Variants in ARHGAP26 observed in about 807,000 individuals in gnomAD.
ARHGAP26 encodes Rho GTPase activating protein 26, also known as rho GTPase-activating protein 26.
A neutral mutation model predicts 104.8 loss-of-function variants in ARHGAP26; 38 were observed. The ratio of observed to expected loss-of-function variants is 0.36; its 90% CI spans 0.28 to 0.48. The LOEUF is 0.48. Among genes scored for constraint, ARHGAP26 ranks in the 20% least tolerant of loss-of-function variants. The probability of loss-of-function intolerance (pLI) is 0.99; values close to 1 mark genes in which losing one functional copy is unlikely to be tolerated. For missense variants in ARHGAP26, 704 were observed against 947.9 expected, an observed-to-expected ratio of 0.74 and a Z score of 3.38; for synonymous variants, 341 against 340.0, an observed-to-expected ratio of 1.00 and a Z score of -0.03.
chr5:142,901,269 C>T (rs1481974831), intron 6 of ARHGAP26, among the ~76,000 whole-genome samples: 1 of 152,120 alleles, frequency 6.6e-6, no homozygotes, highest in Non-Finnish European at 1.5e-5. Flanking sequence ...ATGAAACGGG[C>T]TTACCTTTTA....
intron 20 of ARHGAP26, among the ~76,000 whole-genome samples, chr5:143,195,036 A>G (rs974572312): frequency 6.6e-6 from 1 of 152,178 alleles, no homozygotes; most frequent in Non-Finnish European, 1.5e-5. Context: ...ACATGTTTAG[A>G]CTACTAAATA....
chr5:142,934,669 C>T (rs528447906), intron 11 of ARHGAP26, among the ~76,000 whole-genome samples: 7 of 152,014 alleles, frequency 4.6e-5, no homozygotes, highest in Non-Finnish European at 7.4e-5. Context: ...GTGTTAGTGT[C>T]GTTGCCTTAT....
At chr5:143,220,277 T>A (rs1810967290) in intron 22 of ARHGAP26, among the ~76,000 whole-genome samples, 1 of 152,236 alleles carries the variant, frequency 6.6e-6, no homozygotes, top group Admixed American at 6.5e-5. Context: ...TGATTTTTCC[T>A]GAAGCTTAGG....
At chr5:142,952,426 G>C (rs1768539493) in intron 11 of ARHGAP26, among the ~76,000 whole-genome samples, 1 of 152,082 alleles carries the variant, frequency 6.6e-6, no homozygotes, top group African/African-American at 2.4e-5. Flanking sequence ...ATCTGTTTTG[G>C]TGTTTGCCTA....
chr5:142,930,154 C>T (rs753942720), intron 10 of ARHGAP26, among the ~76,000 whole-genome samples: 3 of 152,164 alleles, frequency 2.0e-5, no homozygotes, highest in African/African-American at 4.8e-5. Flanking sequence ...GACCCAAAAC[C>T]GGGGACTTGA....
chr5:143,214,845 T>C (rs950018412), intron 22 of ARHGAP26, among the ~76,000 whole-genome samples: 3 of 152,248 alleles, frequency 2.0e-5, no homozygotes, highest in African/African-American at 4.8e-5. Context: ...CAGAACTGCA[T>C]GTGGGCGTCT....
At chr5:142,820,604 G>A (rs1005713210) in intron 1 of ARHGAP26, among the ~76,000 whole-genome samples, 1 of 152,192 alleles carries the variant, frequency 6.6e-6, no homozygotes, top group South Asian at 2.1e-4. Flanking sequence ...TCAAACAGCA[G>A]GGGTGTATCT....
intron 20 of ARHGAP26, among the ~76,000 whole-genome samples, chr5:143,174,882 A>T (rs998105271): frequency 6.6e-6 from 1 of 152,222 alleles, no homozygotes; most frequent in African/African-American, 2.4e-5. Context: ...TCTAAGCCTC[A>T]TACCTGTCAG....
At chr5:143,155,471 T>A (rs1188757302) in intron 20 of ARHGAP26, among the ~76,000 whole-genome samples, 2 of 152,246 alleles carry the variant, frequency 1.3e-5, no homozygotes, top group African/African-American at 4.8e-5. Flanking sequence ...CCTGCCTTCA[T>A]CCAATTTTTA....
chr5:142,919,844 G>GA (rs1410921127), intron 10 of ARHGAP26, among the ~76,000 whole-genome samples: 1 of 151,776 alleles, frequency 6.6e-6, no homozygotes, highest in African/African-American at 2.4e-5. Flanking sequence ...TAAAAATATA[G>GA]AAAAAAATTA....
chr5:142,935,020 G>A (rs552425495), intron 11 of ARHGAP26, among the ~76,000 whole-genome samples: 1 of 152,106 alleles, frequency 6.6e-6, no homozygotes, highest in East Asian at 1.9e-4. Context: ...ATATAATGGA[G>A]GAAGAAATTA....
chr5:143,209,994 G>A (rs1809189648), intron 21 of ARHGAP26, among the ~76,000 whole-genome samples: 1 of 152,148 alleles, frequency 6.6e-6, no homozygotes, highest in African/African-American at 2.4e-5. Flanking sequence ...TGAAGCTTCA[G>A]ATTTCCTTCC....
intron 10 of ARHGAP26, among the ~76,000 whole-genome samples, chr5:142,927,705 TA>T (rs1401448499): frequency 6.6e-6 from 1 of 152,220 alleles, no homozygotes; most frequent in African/African-American, 2.4e-5. Context: ...GTAGAATTGC[TA>T]GGTCATAGGG....
At chr5:143,205,851 T>G (rs1175355160) in intron 20 of ARHGAP26, among the ~76,000 whole-genome samples, 2 of 152,200 alleles carry the variant, frequency 1.3e-5, no homozygotes, top group African/African-American at 2.4e-5. Flanking sequence ...ATATAGTACC[T>G]ACAGACACTG....
chr5:142,789,629 ATTGT>A (rs1018700614), intron 1 of ARHGAP26, among the ~76,000 whole-genome samples: 4 of 152,180 alleles, frequency 2.6e-5, no homozygotes, highest in Non-Finnish European at 5.9e-5. Flanking sequence ...TATTTATATA[ATTGT>A]TTGTGTTAAG....
At chr5:143,106,518 G>A (rs1471259998) in intron 17 of ARHGAP26, among the ~76,000 whole-genome samples, 1 of 134,578 alleles carries the variant, frequency 7.4e-6, no homozygotes, top group Non-Finnish European at 1.5e-5. Context: ...TGTCACCCAG[G>A]CTAGAGTGCA....
chr5:143,213,820 C>T (rs1303079099), intron 21 of ARHGAP26, among the ~76,000 whole-genome samples, 177 bp from the exon 22 acceptor site: 1 of 152,154 alleles, frequency 6.6e-6, no homozygotes, highest in Admixed American at 6.5e-5. Context: ...TCTCATTTTT[C>T]TCCTGTGATC....
chr5:143,086,385 A>T (rs895902229), intron 17 of ARHGAP26, among the ~76,000 whole-genome samples: 1 of 150,590 alleles, frequency 6.6e-6, no homozygotes, highest in Non-Finnish European at 1.5e-5. Context: ...TTTTGCCAGC[A>T]CACTTGGTTG....
intron 17 of ARHGAP26, among the ~76,000 whole-genome samples, chr5:143,098,349 T>A (rs1008105705): frequency 2.6e-5 from 4 of 152,216 alleles, no homozygotes; most frequent in African/African-American, 7.2e-5. Flanking sequence ...GTGATTTTTT[T>A]AATTTTTAAA....
Sources: gnomAD v4.1 joint callset for allele counts (sites outside exome capture counted in the v4.1 genomes callset) on GRCh38, gnomAD v4.1.1 for gene constraint, MANE v1.5 for transcripts, NCBI Gene and HGNC (gene_info 2026-07-23, HGNC 2026-07-21) for gene names.